Variants in AGO3 observed in about 807,000 individuals in gnomAD.
AGO3 encodes protein argonaute-3.
AGO3 carries 16 observed loss-of-function variants against 105.5 expected under a neutral mutation model. The observed-to-expected ratio is 0.15, with a 90% CI of 0.10 to 0.23. The LOEUF (loss-of-function observed/expected upper bound fraction) is 0.23, where lower values mean the gene tolerates loss of function less well. Among genes scored for constraint, AGO3 ranks in the 10% least tolerant of loss-of-function variants. The pLI is 1.00. For synonymous variants in AGO3, 340 were observed against 367.3 expected, an observed-to-expected ratio of 0.93 and a Z score of 0.85; for missense variants, 534 against 1,088.0, an observed-to-expected ratio of 0.49 and a Z score of 7.16.
intron 2 of AGO3, among the ~76,000 whole-genome samples, chr1:35,949,806 A>G (rs1036931264): frequency 1.3e-5 from 2 of 152,060 alleles, no homozygotes; most frequent in Admixed American, 1.3e-4. Flanking sequence ...TTTTATTTGC[A>G]GGAGACGAGT....
At position 35,945,685 on chromosome 1, in the gene AGO3, C is replaced by G; in HGVS notation, c.20-7C>G. 6.2e-7 allele frequency: 1 copy of G among 1,607,446 alleles called. No homozygotes were observed. Among genetic ancestry groups the G allele is most frequent in the Non-Finnish European group, 8.5e-7 (1 of 1,178,410 alleles). The stretch of plus-strand genomic sequence containing the variant: ...GTGACTCTTTTTTTTTCCCTTTCCC[C>G]TGGCAGGACCCGCTGGGGCCCAGCC... On this transcript the variant is annotated splice_polypyrimidine_tract_variant and splice_region_variant and intron_variant, in intron 1 of 18. Coordinates refer to ENST00000373191, the MANE Select transcript of AGO3 (RefSeq NM_024852.4).
chr1:35,960,152 T>A (rs1013827770), intron 2 of AGO3, among the ~76,000 whole-genome samples: 2 of 152,188 alleles, frequency 1.3e-5, no homozygotes, highest in African/African-American at 4.8e-5. Context: ...ATAGCACCTT[T>A]GCTACTATAG....
At chr1:35,984,297 T>C (rs1236755135) in intron 5 of AGO3, among the ~76,000 whole-genome samples, 1 of 152,208 alleles carries the variant, frequency 6.6e-6, no homozygotes, top group African/African-American at 2.4e-5. Context: ...ATTGAGCCAC[T>C]GTACTCCAGC....
At chr1:36,017,168 T>G (rs1049754733) in intron 11 of AGO3, among the ~76,000 whole-genome samples, 6 of 152,190 alleles carry the variant, frequency 3.9e-5, no homozygotes, top group African/African-American at 1.4e-4. Context: ...CTTAAAACTT[T>G]TGAGAGAATA....
intron 17 of AGO3, among the ~76,000 whole-genome samples, chr1:36,047,802 C>T (rs188692632): frequency 2.0e-4 from 30 of 151,928 alleles, no homozygotes; most frequent in Admixed American, 3.3e-4. Flanking sequence ...TCACTTGAGC[C>T]GGGGAGGTTG....
chr1:35,950,575 TTTCC>T (rs1557647179), intron 2 of AGO3, among the ~76,000 whole-genome samples: 1 of 152,192 alleles, frequency 6.6e-6, no homozygotes, highest in South Asian at 2.1e-4. Context: ...AAGGAGATTC[TTTCC>T]TTCCTTCTTT....
intron 11 of AGO3, among the ~76,000 whole-genome samples, chr1:36,026,839 A>C (rs759043000): frequency 1.3e-5 from 2 of 152,216 alleles, no homozygotes; most frequent in Admixed American, 6.5e-5. Context: ...AACTCTCCAT[A>C]CTAACTCTAG....
chr1:36,046,971 G>A (rs578110926), intron 17 of AGO3, among the ~76,000 whole-genome samples: 34 of 152,204 alleles, frequency 2.2e-4, no homozygotes, highest in Middle Eastern at 6.8e-3. Flanking sequence ...CAGGCCGGCC[G>A]CAGTGGCTCA....
intron 11 of AGO3, among the ~76,000 whole-genome samples, chr1:36,026,807 T>C (rs1641527051): frequency 6.6e-6 from 1 of 152,190 alleles, no homozygotes; most frequent in Non-Finnish European, 1.5e-5. Context: ...TTCATAGTAG[T>C]ATGTAGCAGA....
intron 2 of AGO3, 56 bp downstream of exon 2, chr1:35,945,919 C>A: frequency 6.6e-7 from 1 of 1,517,266 alleles, no homozygotes; most frequent in Non-Finnish European, 9.0e-7. Context: ...AGTAATTATC[C>A]ATGTTTATTT....
chr1:35,997,587 A>G (rs1639887759), intron 5 of AGO3, among the ~76,000 whole-genome samples: 2 of 152,182 alleles, frequency 1.3e-5, no homozygotes, highest in Admixed American at 1.3e-4. Flanking sequence ...CAAGCTACCT[A>G]TTGTGTTGAG....
At chr1:36,010,374 C>T (rs1272783467) in intron 9 of AGO3, among the ~76,000 whole-genome samples, 5 of 151,812 alleles carry the variant, frequency 3.3e-5, no homozygotes, top group South Asian at 2.1e-4. Context: ...GAGGCCAAGG[C>T]GGGTGGATCA....
At chr1:35,985,686 A>T (rs186575762) in intron 5 of AGO3, among the ~76,000 whole-genome samples, 1 of 152,368 alleles carries the variant, frequency 6.6e-6, no homozygotes, top group African/African-American at 2.4e-5. Context: ...CAAATCTTCA[A>T]AATTCTTTTA....
At chr1:36,045,696 C>A (rs1642439877) in intron 17 of AGO3, among the ~76,000 whole-genome samples, 1 of 152,012 alleles carries the variant, frequency 6.6e-6, no homozygotes, top group African/African-American at 2.4e-5. Context: ...GCTTCTGCCA[C>A]CACACGCGGC....
At chr1:35,981,219 A>G (rs1015690356) in intron 5 of AGO3, among the ~76,000 whole-genome samples, 1 of 151,612 alleles carries the variant, frequency 6.6e-6, no homozygotes, top group Non-Finnish European at 1.5e-5. Context: ...GCCTTTTTAC[A>G]TTTTTTTCTA....
At chr1:36,003,709 A>AAAAAAAAAAAAAAT (rs1295618675) in intron 5 of AGO3, among the ~76,000 whole-genome samples, 8 of 99,446 alleles carry the variant, frequency 8.0e-5, no homozygotes, top group Non-Finnish European at 1.4e-4. Flanking sequence ...AAAAAAAAAA[A>AAAAAAAAAAAAAAT]ATATATATAT....
Position 35,931,351 on chromosome 1 carries a change from G to A in AGO3, c.-76G>A, listed in dbSNP as rs1350722334. 1.5e-6 allele frequency: 2 copies of A among 1,341,986 alleles called. No individual in the cohort carries two copies. The highest frequency in any genetic ancestry group is 5.9e-5 in the East Asian group (2 of 33,724). 83.1% of individuals were successfully genotyped at this position (1,341,986 alleles called of 1,614,324 possible). On this transcript the variant is annotated 5_prime_UTR_variant, in exon 1 of 19. Coordinates refer to ENST00000373191, the MANE Select transcript of AGO3 (RefSeq NM_024852.4). ...GAGAGTGCCCGTCGCGTCGCGCCGCGTCGCCCCCCGGGCCGCCTCCTTGCC... is the reference window on the plus strand; with the variant it reads ...GAGAGTGCCCGTCGCGTCGCGCCGCATCGCCCCCCGGGCCGCCTCCTTGCC...
At chr1:35,965,611 A>G (rs1324415670) in intron 2 of AGO3, among the ~76,000 whole-genome samples, 1 of 152,024 alleles carries the variant, frequency 6.6e-6, no homozygotes, top group Non-Finnish European at 1.5e-5. Context: ...GAATAGGTGA[A>G]TCAAATTTTT....
chr1:35,946,026 G>T (rs1277845640), intron 2 of AGO3, among the ~76,000 whole-genome samples, 163 bp downstream of exon 2: 1 of 152,100 alleles, frequency 6.6e-6, no homozygotes, highest in Non-Finnish European at 1.5e-5. Flanking sequence ...TGTGATAGTG[G>T]GGAAAAAATC....
Sources: allele counts gnomAD v4.1 joint callset (sites outside exome capture counted in the v4.1 genomes callset), GRCh38; gene constraint gnomAD v4.1.1; transcripts MANE v1.5; gene names NCBI Gene and HGNC (gene_info 2026-07-23, HGNC 2026-07-21).